RANBP2: variants seen among roughly 807,000 people sequenced by gnomAD.
The protein encoded by RANBP2 is E3 SUMO-protein ligase RanBP2.
Under a neutral mutation model 303.6 loss-of-function variants are expected in RANBP2, and 57 were observed. That is an observed-to-expected ratio of 0.19 (90% CI 0.15 to 0.23). The LOEUF is 0.23. RANBP2 is among the 10% of genes least tolerant of loss of function. RANBP2 has a pLI of 1.00. For missense variants in RANBP2, 3,138 were observed against 3,780.8 expected, an observed-to-expected ratio of 0.83 and a Z score of 4.46; for synonymous variants, 1,167 against 1,301.5, an observed-to-expected ratio of 0.90 and a Z score of 2.23.
At chr2:109,705,938 C>T in the RANBP2 span, among the ~76,000 whole-genome samples, 7 of 152,204 alleles carry the variant, frequency 4.6e-5, no homozygotes, top group Non-Finnish European at 1.0e-4. Flanking sequence ...TGCACCTTTA[C>T]CAGAGATGGG....
chr2:108,770,777 T>C (rs1228329942), intron 20 of RANBP2, among the ~76,000 whole-genome samples: 1 of 152,252 alleles, frequency 6.6e-6, no homozygotes, highest in South Asian at 2.1e-4. Flanking sequence ...ATATAAAAAT[T>C]AATGATATTT....
intron 23 of RANBP2, among the ~76,000 whole-genome samples, chr2:108,774,517 A>G (rs111707417): frequency 2.0e-5 from 3 of 151,898 alleles, no homozygotes; most frequent in African/African-American, 7.3e-5. Flanking sequence ...ATTGAGAAGT[A>G]TTTTCTGTAT....
At chr2:109,649,118 GT>G in the RANBP2 span, among the ~76,000 whole-genome samples, 2 of 152,110 alleles carry the variant, frequency 1.3e-5, no homozygotes, top group Non-Finnish European at 2.9e-5. Context: ...CTCACTAACA[GT>G]TATAATTTTC....
chr2:109,217,796 G>C, the RANBP2 span, among the ~76,000 whole-genome samples: 1 of 152,178 alleles, frequency 6.6e-6, no homozygotes, highest in South Asian at 2.1e-4. Flanking sequence ...TTGCTGGCCT[G>C]GCTGTGGTGC....
chr2:109,133,543 A>G, the RANBP2 span, among the ~76,000 whole-genome samples: 11 of 151,984 alleles, frequency 7.2e-5, no homozygotes, highest in South Asian at 2.3e-3. Context: ...ATGATTTTCT[A>G]TTTGTTTCTT....
the RANBP2 span, among the ~76,000 whole-genome samples, chr2:108,845,318 T>G: frequency 2.0e-5 from 3 of 152,164 alleles, no homozygotes; most frequent in African/African-American, 7.2e-5. Flanking sequence ...TTGTCACCTG[T>G]AAAACCTCAA....
the RANBP2 span, among the ~76,000 whole-genome samples, chr2:109,292,398 T>A: frequency 6.6e-6 from 1 of 152,256 alleles, no homozygotes; most frequent in Non-Finnish European, 1.5e-5. Flanking sequence ...GTCTTTTCAC[T>A]TAATGCTATG....
At chr2:109,574,908 TA>T in the RANBP2 span, 1,671 of 497,070 alleles carry the variant, frequency 3.4e-3, 19 homozygotes, top group African/African-American at 0.023. Flanking sequence ...ACTTTAGTGA[TA>T]AAAAAATGTG....
chr2:109,009,468 A>C, the RANBP2 span, among the ~76,000 whole-genome samples: 2 of 152,124 alleles, frequency 1.3e-5, no homozygotes, highest in African/African-American at 2.4e-5. Context: ...ATCAAAGTTC[A>C]TCATCTTACC....
the RANBP2 span, among the ~76,000 whole-genome samples, chr2:109,603,173 T>C: frequency 6.6e-6 from 1 of 152,130 alleles, no homozygotes; most frequent in African/African-American, 2.4e-5. Context: ...GTGAAGTCTA[T>C]CAATGCTTAT....
At chr2:108,888,933 T>G in the RANBP2 span, among the ~76,000 whole-genome samples, 1 of 152,058 alleles carries the variant, frequency 6.6e-6, no homozygotes, top group African/African-American at 2.4e-5. Flanking sequence ...GATGTAGGCG[T>G]TTATTGCTGT....
At chr2:108,853,929 A>AC in the RANBP2 span, among the ~76,000 whole-genome samples, 1 of 125,084 alleles carries the variant, frequency 8.0e-6, no homozygotes, top group Non-Finnish European at 1.6e-5. Context: ...TATATTATAT[A>AC]TAATTTATAT....
chr2:109,251,504 A>C, the RANBP2 span: 4 of 743,258 alleles, frequency 5.4e-6, no homozygotes, highest in East Asian at 2.6e-5. Context: ...AGACATGTCC[A>C]AGGAATATTG....
chr2:109,546,315 G>A, the RANBP2 span: 1 of 925,312 alleles, frequency 1.1e-6, no homozygotes, highest in South Asian at 2.0e-5. Flanking sequence ...CAACACAAAG[G>A]CGGACCCCAT....
the RANBP2 span, among the ~76,000 whole-genome samples, chr2:108,863,465 G>A: frequency 6.6e-6 from 1 of 152,198 alleles, no homozygotes; most frequent in Non-Finnish European, 1.5e-5. Flanking sequence ...AGCTGAAGCA[G>A]AGTTAGTGAG....
At chr2:109,218,402 A>G in the RANBP2 span, among the ~76,000 whole-genome samples, 1 of 152,216 alleles carries the variant, frequency 6.6e-6, no homozygotes, top group South Asian at 2.1e-4. Context: ...TTCTAGAAAC[A>G]GTCTTTGAGT....
the RANBP2 span, among the ~76,000 whole-genome samples, chr2:109,642,746 A>G: frequency 6.6e-6 from 1 of 152,184 alleles, no homozygotes; most frequent in Non-Finnish European, 1.5e-5. Flanking sequence ...AGAAGGGAAA[A>G]TTTTTTAAGA....
chr2:108,943,224 G>A, the RANBP2 span, among the ~76,000 whole-genome samples: 1 of 152,176 alleles, frequency 6.6e-6, no homozygotes, highest in African/African-American at 2.4e-5. Flanking sequence ...AAGGCCTTGA[G>A]AAGGGCAAGC....
At position 108,731,607 on chromosome 2, in the gene RANBP2, G is replaced by C. The variant is rs553205482; in HGVS notation, c.405+133G>C. On this transcript the variant is annotated intron_variant, in intron 4 of 28. Coordinates refer to ENST00000283195, the MANE Select transcript of RANBP2 (RefSeq NM_006267.5). ...TCCTTTAAAAATTTTCTTTTAAAAA[G>C]TGTGTTAAAACCTTTCTGAGCATCT... 9.8e-6 allele frequency: 15 copies of C among 1,534,542 alleles called. No individual in the cohort carries two copies. The South Asian group carries it at 1.8e-4, about 18-fold the overall frequency.
Sources: gnomAD v4.1 joint callset for allele counts (sites outside exome capture counted in the v4.1 genomes callset) on GRCh38, gnomAD v4.1.1 for gene constraint, MANE v1.5 for transcripts, NCBI Gene and HGNC (gene_info 2026-07-23, HGNC 2026-07-21) for gene names.